HS6ST3: variants seen among roughly 807,000 people sequenced by gnomAD.
HS6ST3 encodes the protein heparan sulfate 6-O-sulfotransferase 3, also known as heparan-sulfate 6-O-sulfotransferase 3.
Under a neutral mutation model 36.7 loss-of-function variants are expected in HS6ST3, and 12 were observed. That is an observed-to-expected ratio of 0.33 (90% CI 0.21 to 0.53). The LOEUF (loss-of-function observed/expected upper bound fraction) is 0.53, where lower values mean the gene tolerates loss of function less well. Ranked by LOEUF, HS6ST3 falls within the 20% of genes least tolerant of loss-of-function variation. The pLI, the probability that HS6ST3 is intolerant of heterozygous loss-of-function variation, is 0.95. For synonymous variants in HS6ST3, 240 were observed against 257.5 expected, an observed-to-expected ratio of 0.93 and a Z score of 0.65; for missense variants, 584 against 640.9, an observed-to-expected ratio of 0.91 and a Z score of 0.96.
At chr13:96,160,985 G>A (rs1006576688) in intron 1 of HS6ST3, among the ~76,000 whole-genome samples, 1 of 152,122 alleles carries the variant, frequency 6.6e-6, no homozygotes, top group Non-Finnish European at 1.5e-5. Context: ...ATCCTGGTTT[G>A]ATTCTGTACT....
intron 1 of HS6ST3, among the ~76,000 whole-genome samples, chr13:96,657,852 G>A (rs374290363): frequency 3.9e-5 from 6 of 152,126 alleles, no homozygotes; most frequent in Non-Finnish European, 8.8e-5. Flanking sequence ...GAAGAACAAG[G>A]CAGCACACCA....
At chr13:96,391,762 A>G (rs1485481336) in intron 1 of HS6ST3, among the ~76,000 whole-genome samples, 1 of 152,212 alleles carries the variant, frequency 6.6e-6, no homozygotes, top group Non-Finnish European at 1.5e-5. Flanking sequence ...ACACACTATC[A>G]CAAGAACAGC....
intron 1 of HS6ST3, among the ~76,000 whole-genome samples, chr13:96,515,488 C>T (rs778776887): frequency 2.6e-4 from 40 of 152,270 alleles, no homozygotes; most frequent in Admixed American, 5.9e-4. Flanking sequence ...TTTACATGTG[C>T]TAGGAAGCCT....
At chr13:96,262,785 C>T (rs2054672789) in intron 1 of HS6ST3, among the ~76,000 whole-genome samples, 1 of 152,032 alleles carries the variant, frequency 6.6e-6, no homozygotes, top group African/African-American at 2.4e-5. Flanking sequence ...GCAATTAAGT[C>T]AAAATAGGGC....
At chr13:96,346,404 C>A (rs1366481834) in intron 1 of HS6ST3, among the ~76,000 whole-genome samples, 1 of 151,934 alleles carries the variant, frequency 6.6e-6, no homozygotes, top group African/African-American at 2.4e-5. Flanking sequence ...GAAACCCTAT[C>A]TCTCCTAAAA....
At chr13:96,195,371 T>TA (rs1251036035) in intron 1 of HS6ST3, among the ~76,000 whole-genome samples, 4 of 152,174 alleles carry the variant, frequency 2.6e-5, no homozygotes, top group Admixed American at 1.3e-4. Context: ...CGACGGTTTT[T>TA]AAAAAAACAC....
intron 1 of HS6ST3, among the ~76,000 whole-genome samples, chr13:96,392,045 C>G (rs963741136): frequency 1.3e-5 from 2 of 152,060 alleles, no homozygotes; most frequent in African/African-American, 4.8e-5. Flanking sequence ...TGAATAAGGC[C>G]CACTCTCTGC....
At chr13:96,156,229 C>G (rs1385646053) in intron 1 of HS6ST3, among the ~76,000 whole-genome samples, 2 of 152,188 alleles carry the variant, frequency 1.3e-5, no homozygotes, top group Non-Finnish European at 2.9e-5. Flanking sequence ...GAGAGGCAGA[C>G]TCACTCAAGT....
At chr13:96,280,290 T>G (rs941833797) in intron 1 of HS6ST3, among the ~76,000 whole-genome samples, 1 of 152,184 alleles carries the variant, frequency 6.6e-6, no homozygotes, top group Non-Finnish European at 1.5e-5. Context: ...TAGTCTTTGA[T>G]GATATATTTG....
chr13:96,411,330 C>A (rs527640061), intron 1 of HS6ST3, among the ~76,000 whole-genome samples: 2 of 152,260 alleles, frequency 1.3e-5, no homozygotes, highest in South Asian at 4.1e-4. Flanking sequence ...AGCATCAAAG[C>A]CACACAGAGG....
intron 1 of HS6ST3, among the ~76,000 whole-genome samples, chr13:96,197,412 G>T (rs908442789): frequency 4.6e-5 from 7 of 152,120 alleles, no homozygotes; most frequent in Non-Finnish European, 1.0e-4. Context: ...AATTCTGGGA[G>T]CTACAATTCA....
In HS6ST3 at chr13:96,393,279, G is replaced by C. The variant is rs1044085148; in HGVS notation, c.707+301710G>C. ...AAAAGACTAATACACTGGGCTTGCT[G>C]TGTGAAGAATGGATTGTAGAGAGGT... On this transcript the variant is annotated intron_variant, in intron 1 of 1. Coordinates refer to ENST00000376705, the MANE Select transcript of HS6ST3 (RefSeq NM_153456.4). Among the ~76,000 whole-genome samples the C allele has an allele frequency of 9.9e-5, 15 of 152,282 alleles. No homozygotes were observed. In the East Asian group the frequency reaches 2.7e-3, roughly 27 times the overall value.
chr13:96,734,286 C>T (rs1025212765), intron 1 of HS6ST3, among the ~76,000 whole-genome samples: 8 of 152,196 alleles, frequency 5.3e-5, no homozygotes, highest in African/African-American at 1.9e-4. Context: ...AAAGAAAAAT[C>T]ATTTGCTCCT....
At chr13:96,553,047 G>A (rs1183316674) in intron 1 of HS6ST3, among the ~76,000 whole-genome samples, 1 of 152,150 alleles carries the variant, frequency 6.6e-6, no homozygotes, top group Non-Finnish European at 1.5e-5. Context: ...CTAAGGATCA[G>A]CAAGTCCTCC....
chr13:96,362,176 A>G (rs1566337874), intron 1 of HS6ST3, among the ~76,000 whole-genome samples: 1 of 152,232 alleles, frequency 6.6e-6, no homozygotes, highest in Non-Finnish European at 1.5e-5. Flanking sequence ...GATTTAATGT[A>G]GGGATTACCT....
chr13:96,261,341 C>T (rs1333686319), intron 1 of HS6ST3, among the ~76,000 whole-genome samples: 5 of 150,000 alleles, frequency 3.3e-5, no homozygotes, highest in Admixed American at 1.3e-4. Flanking sequence ...TATGTATATA[C>T]ATAATGTAGT....
At chr13:96,719,394 CT>C (rs894747817) in intron 1 of HS6ST3, among the ~76,000 whole-genome samples, 6 of 150,978 alleles carry the variant, frequency 4.0e-5, no homozygotes, top group South Asian at 2.1e-4. Flanking sequence ...TGATTTCATG[CT>C]TTTTTTTTCC....
intron 1 of HS6ST3, among the ~76,000 whole-genome samples, chr13:96,799,637 G>A (rs1367907508): frequency 1.4e-5 from 2 of 144,092 alleles, no homozygotes; most frequent in African/African-American, 2.6e-5. Flanking sequence ...GTTGTGGGGT[G>A]GAGGGAGGGG....
intron 1 of HS6ST3, among the ~76,000 whole-genome samples, chr13:96,781,873 G>T (rs562794967): frequency 2.6e-5 from 4 of 152,186 alleles, no homozygotes; most frequent in East Asian, 1.9e-4. Context: ...GTTATTGTTG[G>T]TGTTTATTGG....
Sources: allele counts gnomAD v4.1 joint callset (sites outside exome capture counted in the v4.1 genomes callset), GRCh38; gene constraint gnomAD v4.1.1; transcripts MANE v1.5; gene names NCBI Gene and HGNC (gene_info 2026-07-23, HGNC 2026-07-21).